KBTBD8: variants seen among roughly 807,000 people sequenced by gnomAD.
The protein encoded by KBTBD8 is kelch repeat and BTB domain-containing protein 8.
Under a neutral mutation model 53.5 loss-of-function variants are expected in KBTBD8, and 31 were observed. That is an observed-to-expected ratio of 0.58 (90% CI 0.44 to 0.78). The LOEUF (loss-of-function observed/expected upper bound fraction) is 0.78. Among genes scored for constraint, KBTBD8 ranks in the 30% least tolerant of loss-of-function variants. The pLI, the probability that KBTBD8 is intolerant of heterozygous loss-of-function variation, is 0.00. For synonymous variants in KBTBD8, 250 were observed against 247.3 expected (o/e 1.01, Z -0.10); for missense variants, 642 against 735.8 (o/e 0.87, Z 1.48).
intron 1 of KBTBD8, 146 bp downstream of exon 1, chr3:66,998,517 T>A: frequency 4.0e-5 from 19 of 479,680 alleles, no homozygotes; most frequent in Non-Finnish European, 5.8e-5. Flanking sequence ...AGAGGGAGGA[T>A]GAATGGTGCG....
intron 2 of KBTBD8, among the ~76,000 whole-genome samples, chr3:67,002,477 T>A (rs561009850): frequency 6.6e-6 from 1 of 151,868 alleles, no homozygotes; most frequent in South Asian, 2.1e-4. Flanking sequence ...TTTCTTTGTA[T>A]GCTAATGTAT....
chr3:67,006,784 C>T (rs1702066959), intron 3 of KBTBD8, among the ~76,000 whole-genome samples: 1 of 152,196 alleles, frequency 6.6e-6, no homozygotes, highest in South Asian at 2.1e-4. Flanking sequence ...ACCTGACATG[C>T]ATAGTCAGAA....
intron 2 of KBTBD8, among the ~76,000 whole-genome samples, chr3:67,001,022 A>G (rs1326843595): frequency 6.6e-6 from 1 of 152,186 alleles, no homozygotes; most frequent in South Asian, 2.1e-4. Flanking sequence ...ACTTTAAAAG[A>G]AGTATGCTAT....
rs894119511 is a variant in KBTBD8, at chr3:67,009,075, G to A, written c.*690G>A. 1.8e-4 allele frequency: 28 copies of A among 152,710 alleles called. No homozygotes were observed. The highest frequency in any genetic ancestry group is 6.2e-4 in the South Asian group (3 of 4,824). The allele number at this position is 152,710 out of a possible 1,614,324, so 9.5% of individuals were successfully genotyped here. Reference sequence around the variant, plus strand: ...ACACTGTCTCTTTTGTGAAAATCTGGAAAAGTGCTCATATTCACAGGTGGC... The same window carrying A: ...ACACTGTCTCTTTTGTGAAAATCTGAAAAAGTGCTCATATTCACAGGTGGC... On this transcript the variant is annotated 3_prime_UTR_variant, in exon 4 of 4. Coordinates refer to ENST00000417314, the MANE Select transcript of KBTBD8 (RefSeq NM_032505.3).
Position 67,002,231 on chromosome 3 carries a change from G to T in KBTBD8, c.228-964G>T, listed in dbSNP as rs1040965377. The stretch of plus-strand genomic sequence containing the variant: ...AATATGGTATCTTTGAGAAAATGAA[G>T]TATTTCCTTTTAAGCAAATGTTCTC... On this transcript the variant is annotated intron_variant, in intron 2 of 3. Coordinates refer to ENST00000417314, the MANE Select transcript of KBTBD8 (RefSeq NM_032505.3). 4.6e-5 allele frequency among the ~76,000 whole-genome samples: 7 copies of T among 152,100 alleles called. 1 individual carries two copies. Among genetic ancestry groups the T allele is most frequent in the Non-Finnish European group, 5.9e-5 (4 of 68,018 alleles).
Position 67,008,577 on chromosome 3 carries a change from T to C in KBTBD8, c.*192T>C, listed in dbSNP as rs1035811905. The stretch of plus-strand genomic sequence containing the variant: ...ACATTTCATTTCAGTAAGGAAAAGA[T>C]AACAAAGTGCAATTATCAGCATTTT... On this transcript the variant is annotated 3_prime_UTR_variant, in exon 4 of 4. Transcript: ENST00000417314. The C allele has an allele frequency of 3.9e-6, 2 of 517,884 alleles. No homozygotes were observed. Among genetic ancestry groups the C allele is most frequent in the African/African-American group, 3.8e-5 (2 of 53,030 alleles). 32.1% of individuals were successfully genotyped at this position (517,884 alleles called of 1,614,324 possible).
intron 3 of KBTBD8, among the ~76,000 whole-genome samples, chr3:67,007,573 C>T (rs1029906504): frequency 2.0e-5 from 3 of 152,100 alleles, no homozygotes; most frequent in African/African-American, 7.2e-5. Context: ...CCCGTCTCAG[C>T]CTCCCAAAGT....
intron 2 of KBTBD8, among the ~76,000 whole-genome samples, chr3:67,000,549 A>G (rs1290998160): frequency 6.6e-6 from 1 of 152,164 alleles, no homozygotes; most frequent in Non-Finnish European, 1.5e-5. Flanking sequence ...GCTCAGTGAG[A>G]TTGAGTTTTA....
chr3:66,999,269 A>C (rs1701993737), intron 2 of KBTBD8, 78 bp downstream of exon 2: 4 of 1,090,894 alleles, frequency 3.7e-6, no homozygotes, highest in Non-Finnish European at 5.6e-6. Context: ...CTTGATGTTT[A>C]TATTGAGATG....
chr3:67,006,595 G>A (rs1425311702), intron 3 of KBTBD8, among the ~76,000 whole-genome samples: 1 of 152,136 alleles, frequency 6.6e-6, no homozygotes, highest in Admixed American at 6.6e-5. Flanking sequence ...GATGATGTGC[G>A]AGCAAATCTG....
chr3:67,004,571 T>A (rs1220564671), intron 3 of KBTBD8, among the ~76,000 whole-genome samples: 1 of 152,260 alleles, frequency 6.6e-6, no homozygotes, highest in Non-Finnish European at 1.5e-5. Context: ...GAATAACTAT[T>A]TTTGAAAACA....
At chr3:67,002,779 G>T (rs1298016442) in intron 2 of KBTBD8, among the ~76,000 whole-genome samples, 1 of 152,150 alleles carries the variant, frequency 6.6e-6, no homozygotes, top group East Asian at 1.9e-4. Flanking sequence ...GGAATTACAG[G>T]CATGAGCCAC....
At position 67,004,021 on chromosome 3, in the gene KBTBD8, A is replaced by G; in HGVS notation, c.1054A>G (p.Ile352Val). ...GYRPSSSEVS[I>V]DHKAENDFWM... ...CAGGCCAAGCAGCAGTGAGGTCTCC[A>G]TCGACCATAAGGCAGAAAATGATTT... The change falls in exon 3 of 4, where the codon ATC becomes GTC. Residue 352 changes from isoleucine (I) to valine (V), a missense_variant. Physicochemically the swap from Ile to Val is conservative, Grantham distance 29 (BLOSUM62 3). Transcript: ENST00000417314. 1.9e-6 allele frequency: 3 copies of G among 1,614,210 alleles called. No individual in the cohort carries two copies. The highest frequency in any genetic ancestry group is 2.2e-5 in the East Asian group (1 of 44,882).
intron 1 of KBTBD8, among the ~76,000 whole-genome samples, 189 bp downstream of exon 1, chr3:66,998,560 G>C (rs1427431766): frequency 6.6e-6 from 1 of 152,170 alleles, no homozygotes; most frequent in Non-Finnish European, 1.5e-5. Flanking sequence ...GGACCGGGAT[G>C]GGGAGGCTGG....
At chr3:67,004,862 T>C (rs1702050287) in intron 3 of KBTBD8, among the ~76,000 whole-genome samples, 1 of 152,252 alleles carries the variant, frequency 6.6e-6, no homozygotes, top group Non-Finnish European at 1.5e-5. Context: ...AAGTATGGTC[T>C]TCAAGTTTCA....
chr3:67,006,044 C>T (rs1702062049), intron 3 of KBTBD8, among the ~76,000 whole-genome samples: 1 of 152,306 alleles, frequency 6.6e-6, no homozygotes, highest in South Asian at 2.1e-4. Flanking sequence ...AGGAGTTGTA[C>T]TCTCTGGTTC....
At position 67,003,775 on chromosome 3, in the gene KBTBD8, C is replaced by T; in HGVS notation, c.808C>T (p.Pro270Ser). 1 of 1,614,088 alleles carries T rather than the reference C, an allele frequency of 6.2e-7. No homozygotes were observed. Among genetic ancestry groups the T allele is most frequent in the Non-Finnish European group, 8.5e-7 (1 of 1,179,992 alleles). Reference protein sequence around the residue: ...AIAKSCVEKGPSNTNGCTQRL... With the variant: ...AIAKSCVEKGSSNTNGCTQRL... ...AGCCAAAAGCTGTGTAGAAAAGGGA[C>T]CATCCAACACCAATGGCTGTACACA... Residue 270 changes from proline to serine, a missense_variant, in exon 3 of 4, where the codon CCA (proline) becomes TCA (serine). Physicochemically the swap from Pro to Ser is moderately conservative, Grantham distance 74 (BLOSUM62 -1). Coordinates refer to ENST00000417314, the MANE Select transcript of KBTBD8 (RefSeq NM_032505.3).
intron 2 of KBTBD8, among the ~76,000 whole-genome samples, chr3:67,000,728 A>T (rs1224568047): frequency 6.6e-6 from 1 of 152,156 alleles, no homozygotes; most frequent in Admixed American, 6.5e-5. Flanking sequence ...CAAAAACAAA[A>T]CAAAACAAAA....
chr3:67,002,482 A>T (rs891721966), intron 2 of KBTBD8, among the ~76,000 whole-genome samples: 1 of 146,772 alleles, frequency 6.8e-6, no homozygotes, highest in African/African-American at 2.5e-5. Context: ...TTGTATGCTA[A>T]TGTATCATGT....
Sources: gnomAD v4.1 joint callset for allele counts (sites outside exome capture counted in the v4.1 genomes callset) on GRCh38, gnomAD v4.1.1 for gene constraint, MANE v1.5 for transcripts, NCBI Gene and HGNC (gene_info 2026-07-23, HGNC 2026-07-21) for gene names.